Variants in ERICH6B observed in about 807,000 individuals in gnomAD.
ERICH6B encodes the protein glutamate rich 6B, also known as glutamate-rich protein 6B.
In ERICH6B, 69 loss-of-function variants were observed where a neutral mutation model predicts 80.0. That is an observed-to-expected ratio of 0.86 (90% CI 0.71 to 1.05). ERICH6B has a LOEUF of 1.05. Among genes scored for constraint, ERICH6B ranks in the 50% least tolerant of loss-of-function variants. The pLI, the probability that ERICH6B is intolerant of heterozygous loss-of-function variation, is 0.00. For synonymous variants in ERICH6B, 283 were observed against 291.9 expected (o/e 0.97, Z 0.31); for missense variants, 754 against 796.1 (o/e 0.95, Z 0.64).
chr13:45,542,056 A>G (rs1349946250), intron 14 of ERICH6B, among the ~76,000 whole-genome samples: 1 of 152,090 alleles, frequency 6.6e-6, no homozygotes, highest in East Asian at 1.9e-4. Context: ...GATGCCTCAC[A>G]GTGGCTACCC....
intron 10 of ERICH6B, among the ~76,000 whole-genome samples, chr13:45,562,599 G>T (rs561243000): frequency 2.6e-5 from 4 of 152,296 alleles, no homozygotes; most frequent in Non-Finnish European, 5.9e-5. Context: ...TACTTAAGGG[G>T]ATGTCAGTTA....
chr13:45,554,752 G>C (rs1020267294), intron 11 of ERICH6B, among the ~76,000 whole-genome samples: 1 of 152,226 alleles, frequency 6.6e-6, no homozygotes, highest in Non-Finnish European at 1.5e-5. Flanking sequence ...TGTGTCTCTG[G>C]CCTGTCCTGC....
At chr13:45,541,818 C>A in intron 14 of ERICH6B, 138 bp from the exon 15 acceptor site, 4 of 698,448 alleles carry the variant, frequency 5.7e-6, no homozygotes, top group Admixed American at 5.4e-5. Context: ...TGTTCTCAGC[C>A]CTGCCACCTG....
intron 2 of ERICH6B, among the ~76,000 whole-genome samples, chr13:45,603,442 C>T (rs1949838514): frequency 6.6e-6 from 1 of 152,226 alleles, no homozygotes; most frequent in Non-Finnish European, 1.5e-5. Flanking sequence ...TGTGATAGCT[C>T]CCCTCTCCCA....
At chr13:45,606,541 ATATATATTTTTTTT>A (rs1475421226) in intron 2 of ERICH6B, among the ~76,000 whole-genome samples, 7 of 11,528 alleles carry the variant, frequency 6.1e-4, no homozygotes, top group Non-Finnish European at 1.4e-3. Flanking sequence ...ATATATATAT[ATATATATTTTTTTT>A]TTTTTTTTTT....
chr13:45,594,388 G>T (rs1395251608), intron 3 of ERICH6B, among the ~76,000 whole-genome samples: 1 of 152,034 alleles, frequency 6.6e-6, no homozygotes, highest in Non-Finnish European at 1.5e-5. Flanking sequence ...TACTCTAGTG[G>T]GTAATATATT....
intron 13 of ERICH6B, among the ~76,000 whole-genome samples, chr13:45,545,432 T>C (rs1018938749): frequency 3.9e-5 from 6 of 152,194 alleles, no homozygotes; most frequent in Admixed American, 2.6e-4. Flanking sequence ...ATATGGTAAA[T>C]TCTCATTGTT....
At chr13:45,577,692 T>C (rs1875479439) in intron 7 of ERICH6B, among the ~76,000 whole-genome samples, 1 of 152,134 alleles carries the variant, frequency 6.6e-6, no homozygotes, top group South Asian at 2.1e-4. Context: ...TGGCTCACTG[T>C]TACAATCCTC....
chr13:45,600,771 A>G (rs1344322127), intron 2 of ERICH6B, among the ~76,000 whole-genome samples: 1 of 152,200 alleles, frequency 6.6e-6, no homozygotes, highest in Non-Finnish European at 1.5e-5. Context: ...GGTTGATTCC[A>G]TATCTTTGCT....
intron 11 of ERICH6B, among the ~76,000 whole-genome samples, chr13:45,560,860 G>A (rs1874642170): frequency 6.6e-6 from 1 of 152,164 alleles, no homozygotes; most frequent in South Asian, 2.1e-4. Context: ...TCCATTCACT[G>A]TGTGATTGAT....
At chr13:45,586,345 A>T (rs1875900991) in intron 5 of ERICH6B, among the ~76,000 whole-genome samples, 1 of 152,162 alleles carries the variant, frequency 6.6e-6, no homozygotes, top group Admixed American at 6.5e-5. Context: ...TGCCATGACT[A>T]CAGATGTGAA....
intron 11 of ERICH6B, 122 bp from the exon 12 acceptor site, chr13:45,550,438 C>T: frequency 1.4e-6 from 1 of 723,788 alleles, no homozygotes; most frequent in Non-Finnish European, 2.3e-6. Flanking sequence ...ACCTCATCAA[C>T]TTGCTGGGGA....
intron 1 of ERICH6B, among the ~76,000 whole-genome samples, chr13:45,610,455 A>G (rs1399115820): frequency 6.6e-6 from 1 of 152,200 alleles, no homozygotes; most frequent in Non-Finnish European, 1.5e-5. Context: ...TAATAACTCC[A>G]TCTCCTGCAT....
At chr13:45,613,012 CCA>C (rs1324912507) in intron 1 of ERICH6B, among the ~76,000 whole-genome samples, 1 of 152,136 alleles carries the variant, frequency 6.6e-6, no homozygotes, top group Non-Finnish European at 1.5e-5. Flanking sequence ...TTTGCACATA[CCA>C]CAGAGTCCAG....
At chr13:45,608,766 T>C (rs1440388971) in intron 1 of ERICH6B, among the ~76,000 whole-genome samples, 1 of 152,242 alleles carries the variant, frequency 6.6e-6, no homozygotes, top group Non-Finnish European at 1.5e-5. Context: ...GGATGAGATA[T>C]TCATTAAGTT....
chr13:45,550,153 C>G (rs1189049707), intron 12 of ERICH6B, 78 bp downstream of exon 12: 10 of 1,534,420 alleles, frequency 6.5e-6, no homozygotes, highest in Non-Finnish European at 7.0e-6. Context: ...CAGTCAAACC[C>G]CTTACCCCAT....
Position 45,561,417 on chromosome 13 carries a change from A to T in ERICH6B, c.1359T>A (p.His453Gln), listed in dbSNP as rs1193272430. The change falls in exon 11 of 15, where the codon CAT (histidine) becomes CAA (glutamine). Residue 453 changes from histidine to glutamine, a missense_variant. Transcript: ENST00000298738. ...EIQKPQRVVH[H>Q]RKKLERDKEW... ...CCTTATCTCGTTCTAATTTCTTCCTATGATGAACAACACGTTGAGGCTTTT... is the reference window on the plus strand; with the variant it reads ...CCTTATCTCGTTCTAATTTCTTCCTTTGATGAACAACACGTTGAGGCTTTT... 3 of 1,552,214 alleles carry T rather than the reference A, an allele frequency of 1.9e-6. No individual in the cohort carries two copies. Among genetic ancestry groups the T allele is most frequent in the African/African-American group, 2.7e-5 (2 of 73,044 alleles).
chr13:45,607,038 T>TA (rs59407473), intron 2 of ERICH6B, among the ~76,000 whole-genome samples: 6,308 of 152,064 alleles, frequency 0.041, 429 homozygotes, highest in African/African-American at 0.14. Flanking sequence ...ACATTGTAGA[T>TA]AAAAAAACAA....
rs1949865644 is a variant in ERICH6B, at chr13:45,606,537, ATATATATATATTTTTTTTTTTT to A, written c.-59+1005_-59+1026del. Among the ~76,000 whole-genome samples, 4 of 12,926 alleles carry A rather than the reference ATATATATATATTTTTTTTTTTT, an allele frequency of 3.1e-4. No individual in the cohort carries two copies. The South Asian group carries it at 9.5e-3, about 31-fold the overall frequency. 8.5% of individuals were successfully genotyped at this position (12,926 alleles called of 152,430 possible). Reference sequence around the variant, plus strand: ...TATATATATATATATATATATATATATATATATATATTTTTTTTTTTTTTTTTTTTTTTGGAGACAGAGTCTC... The same window carrying A: ...TATATATATATATATATATATATATATTTTTTTTTTTGGAGACAGAGTCTC... On this transcript the variant is annotated intron_variant, in intron 2 of 14. Coordinates refer to ENST00000298738, the MANE Select transcript of ERICH6B (RefSeq NM_182542.3).
Sources: gnomAD v4.1 joint callset for allele counts (sites outside exome capture counted in the v4.1 genomes callset) on GRCh38, gnomAD v4.1.1 for gene constraint, MANE v1.5 for transcripts, NCBI Gene and HGNC (gene_info 2026-07-23, HGNC 2026-07-21) for gene names.